The following RCAN2 variants were observed in gnomAD, a reference collection of about 807,000 sequenced individuals.
RCAN2 encodes calcipressin-2.
In RCAN2, 9 loss-of-function variants were observed where a neutral mutation model predicts 23.6. The observed-to-expected ratio is 0.38, with a 90% CI of 0.23 to 0.67. RCAN2 has a LOEUF of 0.67. RCAN2 is among the 30% of genes least tolerant of loss of function. The pLI is 0.51. For missense variants in RCAN2, 273 were observed against 302.3 expected (o/e 0.90, Z 0.72); for synonymous variants, 109 against 115.7 (o/e 0.94, Z 0.37).
At chr6:46,345,445 C>A (rs946687422) in intron 2 of RCAN2, among the ~76,000 whole-genome samples, 2 of 152,244 alleles carry the variant, frequency 1.3e-5, no homozygotes, top group African/African-American at 2.4e-5. Context: ...AACATACATT[C>A]TTTTCAGATG....
chr6:46,360,296 G>A (rs1466888348), intron 2 of RCAN2, among the ~76,000 whole-genome samples: 4 of 152,038 alleles, frequency 2.6e-5, no homozygotes, highest in Non-Finnish European at 5.9e-5. Context: ...ACTTTGGGAG[G>A]CCGAGGTGGG....
chr6:46,404,127 CAGG>C (rs1228610515), intron 2 of RCAN2, among the ~76,000 whole-genome samples: 1 of 152,030 alleles, frequency 6.6e-6, no homozygotes, highest in African/African-American at 2.4e-5. Flanking sequence ...GAGGCTGAAG[CAGG>C]AGAATCGCTT....
At chr6:46,245,388 C>T (rs948322537) in intron 4 of RCAN2, among the ~76,000 whole-genome samples, 2 of 152,126 alleles carry the variant, frequency 1.3e-5, no homozygotes, top group African/African-American at 4.8e-5. Context: ...AATCTAGGTA[C>T]CTGGTAAGAC....
intron 2 of RCAN2, among the ~76,000 whole-genome samples, chr6:46,341,443 C>T (rs1764314604): frequency 6.6e-6 from 1 of 152,170 alleles, no homozygotes; most frequent in South Asian, 2.1e-4. Flanking sequence ...AGAAAGTTTA[C>T]GAATTTGTGT....
At chr6:46,391,343 C>T (rs1561886551) in intron 2 of RCAN2, among the ~76,000 whole-genome samples, 2 of 152,098 alleles carry the variant, frequency 1.3e-5, no homozygotes, top group South Asian at 2.1e-4. Flanking sequence ...ACATAACGAG[C>T]TCTCAAAATA....
chr6:46,477,905 C>T lies in RCAN2; in HGVS notation c.-3+13268G>A, dbSNP rs1199353196. ...TAAGTATATGCAAATGTTTGATCAG[C>T]TGGTGGCTCAATCTTAAGGATGCCC... On this transcript the variant is annotated intron_variant, in intron 1 of 4. Coordinates refer to ENST00000371374, the MANE Select transcript of RCAN2 (RefSeq NM_001251974.2). Among the ~76,000 whole-genome samples the T allele has an allele frequency of 3.3e-5, 5 of 152,188 alleles. No individual in the cohort carries two copies. In the East Asian group the frequency reaches 9.6e-4, roughly 29 times the overall value.
At chr6:46,297,194 C>T (rs1486285626) in intron 2 of RCAN2, among the ~76,000 whole-genome samples, 1 of 152,066 alleles carries the variant, frequency 6.6e-6, no homozygotes, top group South Asian at 2.1e-4. Context: ...CCCCATGGGG[C>T]ATCCAATTTT....
intron 2 of RCAN2, among the ~76,000 whole-genome samples, chr6:46,440,235 A>G (rs1188625688): frequency 6.6e-6 from 1 of 152,190 alleles, no homozygotes; most frequent in African/African-American, 2.4e-5. Flanking sequence ...TAAGAGTAAA[A>G]CTTAAAGATA....
chr6:46,413,024 A>G (rs1332087466), intron 2 of RCAN2, among the ~76,000 whole-genome samples: 1 of 152,244 alleles, frequency 6.6e-6, no homozygotes, highest in Non-Finnish European at 1.5e-5. Context: ...TCATATTAAA[A>G]ATGATTGTCT....
intron 2 of RCAN2, among the ~76,000 whole-genome samples, chr6:46,300,881 A>T (rs549071070): frequency 7.2e-5 from 11 of 151,818 alleles, no homozygotes; most frequent in Non-Finnish European, 1.0e-4. Context: ...AGCCTTAATT[A>T]AAAAAAATGA....
intron 2 of RCAN2, among the ~76,000 whole-genome samples, chr6:46,412,405 G>A (rs1171701486): frequency 6.6e-6 from 1 of 152,160 alleles, no homozygotes; most frequent in African/African-American, 2.4e-5. Context: ...TGAGACTAGA[G>A]GTACAGATTG....
At chr6:46,413,258 A>G (rs1277468911) in intron 2 of RCAN2, among the ~76,000 whole-genome samples, 1 of 152,242 alleles carries the variant, frequency 6.6e-6, no homozygotes, top group Non-Finnish European at 1.5e-5. Flanking sequence ...GACAGTATGA[A>G]TGAAAATAAA....
chr6:46,455,277 G>A (rs1423894124), intron 2 of RCAN2, among the ~76,000 whole-genome samples: 1 of 152,032 alleles, frequency 6.6e-6, no homozygotes, highest in African/African-American at 2.4e-5. Context: ...ATAATTCCTT[G>A]TATTTCAAGC....
chr6:46,389,099 G>A (rs965400922), intron 2 of RCAN2, among the ~76,000 whole-genome samples: 2 of 152,066 alleles, frequency 1.3e-5, no homozygotes, highest in African/African-American at 2.4e-5. Context: ...GAAACCAGAA[G>A]GCAGGTCAGA....
chr6:46,276,708 T>A (rs1276031956), intron 2 of RCAN2, among the ~76,000 whole-genome samples: 1 of 152,194 alleles, frequency 6.6e-6, no homozygotes, highest in Non-Finnish European at 1.5e-5. Context: ...TAAACTGCAG[T>A]CACACTTTTT....
chr6:46,458,068 G>A (rs943229592), intron 1 of RCAN2, among the ~76,000 whole-genome samples: 2 of 152,170 alleles, frequency 1.3e-5, no homozygotes. Flanking sequence ...ACTTGCTCAT[G>A]GTTACGCAAG....
In RCAN2 at chr6:46,412,961, A is replaced by G. The variant is rs147585925; in HGVS notation, c.225+43791T>C. 3.3e-5 allele frequency among the ~76,000 whole-genome samples: 5 copies of G among 152,376 alleles called. No individual in the cohort carries two copies. In the East Asian group the frequency reaches 7.7e-4, roughly 23 times the overall value. On this transcript the variant is annotated intron_variant, in intron 2 of 4. Coordinates refer to ENST00000371374, the MANE Select transcript of RCAN2 (RefSeq NM_001251974.2). ...GAGCCATGTGAGGCAAGAATAAATT[A>G]TAAAACAATCCCTTGGCTTTGTGTT... is the stretch of plus-strand genomic sequence containing the variant.
intron 1 of RCAN2, among the ~76,000 whole-genome samples, chr6:46,473,467 A>G (rs1004454528): frequency 6.6e-6 from 1 of 152,214 alleles, no homozygotes; most frequent in East Asian, 1.9e-4. Context: ...TCTTTAAACA[A>G]TAAACTATTA....
rs1023400139 is a variant in RCAN2 at position 46,221,442 on chromosome 6, G to A, written c.*1699C>T. ...CAATGAAAAACCAAAAACCTCCACAGCAAAGGAAAGTCAAAGCATATGCTT... is the reference window on the plus strand; with the variant it reads ...CAATGAAAAACCAAAAACCTCCACAACAAAGGAAAGTCAAAGCATATGCTT... On this transcript the variant is annotated 3_prime_UTR_variant, in exon 5 of 5. Transcript: ENST00000371374. 7 of 152,728 alleles carry A rather than the reference G, an allele frequency of 4.6e-5. No individual in the cohort carries two copies. Among genetic ancestry groups the A allele is most frequent in the Non-Finnish European group, 8.8e-5 (6 of 68,160 alleles). The allele number at this position is 152,728 out of a possible 1,614,324, so 9.5% of individuals were successfully genotyped here. A position where few individuals can be genotyped will look rare whatever the true frequency, so the allele number is the denominator to read the frequency against.
Sources: gnomAD v4.1 joint callset for allele counts (sites outside exome capture counted in the v4.1 genomes callset) on GRCh38, gnomAD v4.1.1 for gene constraint, MANE v1.5 for transcripts, NCBI Gene and HGNC (gene_info 2026-07-23, HGNC 2026-07-21) for gene names.